Variants in SUCLG2 observed in about 807,000 individuals in gnomAD.
SUCLG2 encodes the protein succinate-CoA ligase GDP-forming subunit beta.
In SUCLG2, 42 loss-of-function variants were observed where a neutral mutation model predicts 47.9. The observed-to-expected ratio is 0.88, with a 90% confidence interval of 0.69 to 1.14. SUCLG2 has a LOEUF of 1.14. Ranked by LOEUF, SUCLG2 falls within the 50% of genes most tolerant of loss-of-function variation. The pLI is 0.00. For synonymous variants in SUCLG2, 195 were observed against 197.3 expected, an observed-to-expected ratio of 0.99 and a Z score of 0.10; for missense variants, 571 against 525.9, an observed-to-expected ratio of 1.09 and a Z score of -0.84.
chr3:67,654,305 G>A (rs1246564084), intron 1 of SUCLG2, among the ~76,000 whole-genome samples, 198 bp downstream of exon 1: 1 of 152,198 alleles, frequency 6.6e-6, no homozygotes, highest in Admixed American at 6.5e-5. Flanking sequence ...ACCCGGGGCT[G>A]CCGCCGCGCC....
chr3:67,393,350 C>T (rs1033559937), intron 10 of SUCLG2, among the ~76,000 whole-genome samples: 10 of 152,362 alleles, frequency 6.6e-5, no homozygotes, highest in African/African-American at 4.8e-5. Flanking sequence ...GCTTAAAAAA[C>T]GGCGCACCAG....
At chr3:67,361,913 T>A (rs2106738313) in intron 10 of SUCLG2, among the ~76,000 whole-genome samples, 1 of 152,226 alleles carries the variant, frequency 6.6e-6, no homozygotes, top group Admixed American at 6.5e-5. Context: ...GCTAGGCTGC[T>A]GAAGGATGAG....
chr3:67,520,121 G>A (rs1390698587), intron 5 of SUCLG2, among the ~76,000 whole-genome samples: 4 of 152,052 alleles, frequency 2.6e-5, no homozygotes, highest in Admixed American at 6.5e-5. Flanking sequence ...GAGAATTTCC[G>A]GATCATATAT....
chr3:67,597,892 C>A (rs531657930), intron 2 of SUCLG2, among the ~76,000 whole-genome samples: 1 of 151,758 alleles, frequency 6.6e-6, no homozygotes, highest in Non-Finnish European at 1.5e-5. Context: ...CAGCCAAGAT[C>A]GTGCCCCTGC....
downstream of SUCLG2, among the ~76,000 whole-genome samples, chr3:67,372,568 A>C (rs1220598414): frequency 6.6e-6 from 1 of 152,162 alleles, no homozygotes; most frequent in Non-Finnish European, 1.5e-5. Flanking sequence ...TAGGAACAGC[A>C]TATGTTCAAA....
At chr3:67,378,508 A>C (rs1450926347) in intron 10 of SUCLG2, among the ~76,000 whole-genome samples, 1 of 152,198 alleles carries the variant, frequency 6.6e-6, no homozygotes, top group African/African-American at 2.4e-5. Context: ...GAGGAAGTGC[A>C]TCTGGCCAAG....
In SUCLG2 at chr3:67,609,447, C is replaced by T; in HGVS notation, c.226+8G>A. The T allele has an allele frequency of 6.2e-7, 1 of 1,608,552 alleles. No homozygotes were observed. The highest frequency in any genetic ancestry group is 1.1e-5 in the South Asian group (1 of 90,392). ...CAAGTGTATTTCACCCATTATGAAT[C>T]AGCTTACTTAGTCTCTTAGCAGCCT... On this transcript the variant is annotated splice_region_variant and intron_variant, in intron 2 of 10. Coordinates refer to ENST00000307227, the MANE Select transcript of SUCLG2 (RefSeq NM_003848.4).
chr3:67,554,125 T>C (rs1707094671), intron 2 of SUCLG2, among the ~76,000 whole-genome samples: 1 of 152,188 alleles, frequency 6.6e-6, no homozygotes, highest in South Asian at 2.1e-4. Context: ...ATAGCCAGGT[T>C]GGAGCTATCT....
chr3:67,464,413 C>G (rs1023593545), intron 9 of SUCLG2, among the ~76,000 whole-genome samples: 3 of 152,304 alleles, frequency 2.0e-5, no homozygotes, highest in African/African-American at 4.8e-5. Context: ...AATGGGACAT[C>G]CCCAATTCCA....
downstream of SUCLG2, among the ~76,000 whole-genome samples, chr3:67,373,228 G>C (rs1440038425): frequency 6.6e-6 from 1 of 151,012 alleles, no homozygotes; most frequent in Non-Finnish European, 1.5e-5. Flanking sequence ...TTTTATCAAG[G>C]CTTTGCACTT....
intron 9 of SUCLG2, among the ~76,000 whole-genome samples, chr3:67,426,647 A>T (rs1703307858): frequency 1.3e-5 from 2 of 152,180 alleles, no homozygotes; most frequent in Non-Finnish European, 2.9e-5. Context: ...AATAGGTGGC[A>T]TGCTGGGCGC....
At chr3:67,586,770 T>A (rs774565425) in intron 2 of SUCLG2, among the ~76,000 whole-genome samples, 1 of 152,188 alleles carries the variant, frequency 6.6e-6, no homozygotes, top group Non-Finnish European at 1.5e-5. Flanking sequence ...AAATGTGACA[T>A]TTACTATGTT....
At chr3:67,629,048 C>A (rs1017989147) in intron 1 of SUCLG2, among the ~76,000 whole-genome samples, 2 of 152,188 alleles carry the variant, frequency 1.3e-5, no homozygotes, top group Non-Finnish European at 2.9e-5. Flanking sequence ...CTGAAACCTG[C>A]AGCATAATCT....
At chr3:67,619,402 C>G (rs1219186027) in intron 1 of SUCLG2, among the ~76,000 whole-genome samples, 1 of 152,182 alleles carries the variant, frequency 6.6e-6, no homozygotes, top group African/African-American at 2.4e-5. Flanking sequence ...ACAGGTATGT[C>G]TGACTGAGGA....
At chr3:67,474,670 C>A (rs983157220) in intron 9 of SUCLG2, among the ~76,000 whole-genome samples, 1 of 152,206 alleles carries the variant, frequency 6.6e-6, no homozygotes, top group South Asian at 2.1e-4. Context: ...TTTAAACACA[C>A]ACTTTACTGG....
chr3:67,642,474 G>A (rs1701118179), intron 1 of SUCLG2, among the ~76,000 whole-genome samples: 1 of 152,092 alleles, frequency 6.6e-6, no homozygotes, highest in Non-Finnish European at 1.5e-5. Context: ...GCCAGGCATA[G>A]TGGCATGCAC....
intron 9 of SUCLG2, among the ~76,000 whole-genome samples, chr3:67,438,837 A>T (rs989730628): frequency 9.9e-5 from 15 of 152,224 alleles, no homozygotes; most frequent in African/African-American, 3.6e-4. Flanking sequence ...ATTCCTTCTG[A>T]AACTATTGCA....
chr3:67,538,716 G>C (rs564081676), intron 2 of SUCLG2, among the ~76,000 whole-genome samples: 28 of 152,266 alleles, frequency 1.8e-4, no homozygotes, highest in Non-Finnish European at 3.5e-4. Flanking sequence ...CCATTTGTTT[G>C]TATCCTCTCT....
intron 2 of SUCLG2, among the ~76,000 whole-genome samples, chr3:67,609,048 G>A (rs1163797308): frequency 1.3e-5 from 2 of 152,178 alleles, no homozygotes; most frequent in Admixed American, 6.5e-5. Flanking sequence ...GGACACAGAG[G>A]TGCCTGTGAA....
Sources: gnomAD v4.1 joint callset for allele counts (sites outside exome capture counted in the v4.1 genomes callset) on GRCh38, gnomAD v4.1.1 for gene constraint, MANE v1.5 for transcripts, NCBI Gene and HGNC (gene_info 2026-07-23, HGNC 2026-07-21) for gene names.